GGACT: variants seen among roughly 807,000 people sequenced by gnomAD.
GGACT encodes gamma-glutamylaminecyclotransferase.
For synonymous variants in GGACT, 118 were observed against 115.3 expected (o/e 1.02, Z -0.15); for missense variants, 241 against 233.2 (o/e 1.03, Z -0.22).
chr13:100,563,282 G>A (rs1397453229), intron 2 of GGACT, among the ~76,000 whole-genome samples: 1 of 152,138 alleles, frequency 6.6e-6, no homozygotes, highest in Non-Finnish European at 1.5e-5. Context: ...TAAAGCCACA[G>A]TGACAGGTAG....
At chr13:100,539,241 A>G (rs1037529020) in intron 2 of GGACT, 1 of 152,252 alleles carries the variant, frequency 6.6e-6, no homozygotes, top group Admixed American at 6.5e-5. Context: ...TCCCAGAACT[A>G]TGTTCAACAG....
intron 2 of GGACT, among the ~76,000 whole-genome samples, chr13:100,565,378 A>G (rs975950428): frequency 1.3e-5 from 2 of 152,192 alleles, no homozygotes; most frequent in African/African-American, 4.8e-5. Flanking sequence ...TCATTTGCAC[A>G]TCTGACTCCT....
At chr13:100,566,381 T>C (rs975607401) in intron 2 of GGACT, among the ~76,000 whole-genome samples, 11 of 152,240 alleles carry the variant, frequency 7.2e-5, no homozygotes, top group African/African-American at 2.7e-4. Context: ...CTTTCTCGGT[T>C]GCTACTGCCT....
chr13:100,579,504 T>C (rs1176178402), intron 2 of GGACT, among the ~76,000 whole-genome samples: 2 of 151,942 alleles, frequency 1.3e-5, no homozygotes, highest in Non-Finnish European at 2.9e-5. Flanking sequence ...AAAATACTAC[T>C]CTCTAGCCTT....
At position 100,532,157 on chromosome 13, in the gene GGACT, C is replaced by G; in HGVS notation, c.435G>C (p.Leu145=). The change falls in exon 3 of 3, where the codon CTG becomes CTC. Residue 145 remains leucine (L), a synonymous_variant. Coordinates refer to ENST00000683975, the MANE Select transcript of GGACT (RefSeq NM_001195087.2). ...ATCTGTTCTCCCGGGGGTTGTAGCG[C>G]AGCCCGTGCGGCCCCTCGGAGTCGT... ...DSYDSEGPHG[L]RYNPRENR is the part of the protein sequence containing the mutation. 6.9e-7 allele frequency: 1 copy of G among 1,456,580 alleles called. No homozygotes were observed. Among genetic ancestry groups the G allele is most frequent in the Non-Finnish European group, 9.1e-7 (1 of 1,099,166 alleles). 90.2% of individuals were successfully genotyped at this position (1,456,580 alleles called of 1,614,324 possible).
rs182251365 is a variant in GGACT at position 100,581,714 on chromosome 13, G to A, written c.-11+2111C>T. ...CACAGTATGAAGGGAGGGGGAAAGT[G>A]TGACTTTACAGTGGAGAAACCTGCC... On this transcript the variant is annotated intron_variant, in intron 2 of 2. Transcript: ENST00000683975. Among the ~76,000 whole-genome samples the A allele has an allele frequency of 2.6e-3, 394 of 152,322 alleles. 7 individuals carry two copies. Among genetic ancestry groups the A allele is most frequent in the East Asian group, 2.1e-3 (11 of 5,190 alleles).
At chr13:100,582,332 C>T (rs1875445039) in intron 2 of GGACT, among the ~76,000 whole-genome samples, 1 of 152,184 alleles carries the variant, frequency 6.6e-6, no homozygotes, top group Admixed American at 6.5e-5. Context: ...CCCATCTCCT[C>T]CCTGCCAAGG....
intron 2 of GGACT, among the ~76,000 whole-genome samples, chr13:100,552,746 T>G (rs2088676144): frequency 6.6e-6 from 1 of 152,218 alleles, no homozygotes; most frequent in Admixed American, 6.5e-5. Context: ...CAGGAGGTAC[T>G]GAGCATCTAG....
chr13:100,557,235 A>G (rs187063714), intron 2 of GGACT, among the ~76,000 whole-genome samples: 1 of 152,334 alleles, frequency 6.6e-6, no homozygotes, highest in African/African-American at 2.4e-5. Context: ...ACAATAAACA[A>G]GACAGTGTGG....
chr13:100,542,078 G>A (rs140156742), intron 2 of GGACT, among the ~76,000 whole-genome samples: 191 of 152,362 alleles, frequency 1.3e-3, no homozygotes, highest in African/African-American at 4.4e-3. Context: ...GCCAGGATCA[G>A]AGTTAAGCAC....
Position 100,530,572 on chromosome 13 carries a change from A to T in GGACT, c.*1558T>A. On this transcript the variant is annotated 3_prime_UTR_variant, in exon 3 of 3. Transcript: ENST00000683975. The stretch of plus-strand genomic sequence containing the variant: ...AGTCAGTTCTCTGCCTTGCTTTATT[A>T]AATTAGCACTTGCCATTTTTTCATC... 2 of 298,140 alleles carry T rather than the reference A, an allele frequency of 6.7e-6. No homozygotes were observed. Among genetic ancestry groups the T allele is most frequent in the South Asian group, 6.6e-5 (2 of 30,116 alleles). The allele number at this position is 298,140 out of a possible 1,614,324, so 18.5% of individuals were successfully genotyped here.
Position 100,545,253 on chromosome 13 carries a change from C to G in GGACT, c.-10-12652G>C, listed in dbSNP as rs949571102. On this transcript the variant is annotated intron_variant, in intron 2 of 2. Coordinates refer to ENST00000683975, the MANE Select transcript of GGACT (RefSeq NM_001195087.2). The surrounding 1 kb of genome is among the most constrained non-coding windows in gnomAD (Gnocchi z 4.4). The stretch of plus-strand genomic sequence containing the variant: ...CCAAGTGCTTTACTTACATTCTTCA[C>G]CTGGTGCTCCAAACCACATGGTGAG... 6.6e-6 allele frequency among the ~76,000 whole-genome samples: 1 copy of G among 152,278 alleles called. No individual in the cohort carries two copies. The highest frequency in any genetic ancestry group is 1.9e-4 in the East Asian group (1 of 5,208).
intron 2 of GGACT, among the ~76,000 whole-genome samples, chr13:100,559,848 A>T (rs1207710062): frequency 6.6e-6 from 1 of 152,264 alleles, no homozygotes; most frequent in Non-Finnish European, 1.5e-5. Context: ...TTTGTGTTAC[A>T]TGTAATTCAG....
At chr13:100,582,079 C>G (rs1220360122) in intron 2 of GGACT, among the ~76,000 whole-genome samples, 1 of 152,222 alleles carries the variant, frequency 6.6e-6, no homozygotes, top group Non-Finnish European at 1.5e-5. Context: ...TTCCCTGTCT[C>G]TGTCTGTTGA....
chr13:100,554,792 T>G (rs1284594076), intron 2 of GGACT, among the ~76,000 whole-genome samples: 2 of 152,170 alleles, frequency 1.3e-5, no homozygotes, highest in African/African-American at 4.8e-5. Context: ...TATATGAGAA[T>G]CATTGTACTG....
chr13:100,538,362 C>T (rs1171236629), intron 2 of GGACT: 1 of 152,234 alleles, frequency 6.6e-6, no homozygotes, highest in African/African-American at 2.4e-5. Flanking sequence ...TTGTTCCCTA[C>T]TTGTTTTAAA....
At chr13:100,569,526 G>T (rs1419360183) in intron 2 of GGACT, among the ~76,000 whole-genome samples, 1 of 152,214 alleles carries the variant, frequency 6.6e-6, no homozygotes, top group Non-Finnish European at 1.5e-5. Flanking sequence ...TAGCGCATGT[G>T]GGCCCTGGGC....
intron 2 of GGACT, among the ~76,000 whole-genome samples, chr13:100,540,861 G>A (rs1322713395): frequency 2.0e-5 from 3 of 152,164 alleles, no homozygotes; most frequent in African/African-American, 7.2e-5. Flanking sequence ...AGAAAATGTC[G>A]GGCTCCTCTT....
At chr13:100,574,476 TGAGGCAGAAGAATCGATTGAACCTGG>T (rs1295223316) in intron 2 of GGACT, among the ~76,000 whole-genome samples, 1 of 152,138 alleles carries the variant, frequency 6.6e-6, no homozygotes, top group Admixed American at 6.5e-5. Flanking sequence ...CTCAAGAGGC[TGAGGCAGAAGAATCGATTGAACCTGG>T]GAGGCAGAGG....
Sources: gnomAD v4.1 joint callset for allele counts (sites outside exome capture counted in the v4.1 genomes callset) on GRCh38, gnomAD v4.1.1 for gene constraint, Gnocchi (gnomAD v3.1) non-coding constraint, MANE v1.5 for transcripts, NCBI Gene and HGNC (gene_info 2026-07-23, HGNC 2026-07-21) for gene names.